SUGCT: variants seen among roughly 807,000 people sequenced by gnomAD.
SUGCT encodes succinyl-CoA:glutarate CoA-transferase.
A neutral mutation model predicts 55.0 loss-of-function variants in SUGCT; 41 were observed. The ratio of observed to expected loss-of-function variants is 0.74; its 90% CI spans 0.58 to 0.97. SUGCT has a LOEUF of 0.97. Ranked by LOEUF, SUGCT falls within the 50% of genes least tolerant of loss-of-function variation. SUGCT has a pLI of 0.00. For missense variants in SUGCT, 568 were observed against 547.8 expected (o/e 1.04, Z -0.37); for synonymous variants, 187 against 200.4 (o/e 0.93, Z 0.56).
chr7:40,258,255 AC>A (rs1205900750), intron 7 of SUGCT, among the ~76,000 whole-genome samples: 4 of 152,048 alleles, frequency 2.6e-5, no homozygotes, highest in Non-Finnish European at 5.9e-5. Flanking sequence ...CCTATTTAAC[AC>A]CTTTATTGAA....
chr7:40,325,112 T>C (rs1295647122), intron 9 of SUGCT, among the ~76,000 whole-genome samples: 2 of 152,198 alleles, frequency 1.3e-5, no homozygotes, highest in Admixed American at 1.3e-4. Context: ...AATTCCAAGT[T>C]TGAAGATATG....
At chr7:40,294,939 T>C (rs1794024518) in intron 8 of SUGCT, among the ~76,000 whole-genome samples, 1 of 152,240 alleles carries the variant, frequency 6.6e-6, no homozygotes, top group Non-Finnish European at 1.5e-5. Flanking sequence ...GCAAAAAGCT[T>C]AGATTCTGAA....
At chr7:40,897,764 G>T in the SUGCT span, among the ~76,000 whole-genome samples, 1 of 152,162 alleles carries the variant, frequency 6.6e-6, no homozygotes. Context: ...TTTGTGTCTA[G>T]CTAAAGGATT....
chr7:40,999,436 A>G, the SUGCT span, among the ~76,000 whole-genome samples: 1 of 152,210 alleles, frequency 6.6e-6, no homozygotes, highest in South Asian at 2.1e-4. Context: ...CACCTTGAGA[A>G]AGAGGCCAAC....
At chr7:40,484,055 C>T (rs908149122) in intron 11 of SUGCT, among the ~76,000 whole-genome samples, 4 of 152,076 alleles carry the variant, frequency 2.6e-5, no homozygotes, top group African/African-American at 9.7e-5. Context: ...CTATAATTTC[C>T]TTAGAACAAA....
At chr7:40,274,299 A>C (rs199916340) in intron 7 of SUGCT, among the ~76,000 whole-genome samples, 1 of 152,002 alleles carries the variant, frequency 6.6e-6, no homozygotes, top group East Asian at 1.9e-4. Context: ...TTGGGGAGAG[A>C]AATGCACTGA....
At chr7:40,320,965 A>G (rs1405793518) in intron 9 of SUGCT, among the ~76,000 whole-genome samples, 1 of 151,824 alleles carries the variant, frequency 6.6e-6, no homozygotes. Flanking sequence ...TTGAGTCTCC[A>G]GTGTCTATTA....
At chr7:40,989,862 TATTTCCA>T in the SUGCT span, among the ~76,000 whole-genome samples, 1 of 152,202 alleles carries the variant, frequency 6.6e-6, no homozygotes, top group Non-Finnish European at 1.5e-5. Flanking sequence ...CTTCAGGCTA[TATTTCCA>T]ATTCTAGTTA....
the SUGCT span, among the ~76,000 whole-genome samples, chr7:40,890,459 T>C: frequency 6.6e-6 from 1 of 151,716 alleles, no homozygotes; most frequent in African/African-American, 2.4e-5. Context: ...TGCTCTTGGC[T>C]CACCCCCATG....
intron 9 of SUGCT, among the ~76,000 whole-genome samples, chr7:40,367,480 C>T (rs1362281250): frequency 6.6e-6 from 1 of 151,726 alleles, no homozygotes; most frequent in Non-Finnish European, 1.5e-5. Context: ...ATGGCTGGCA[C>T]TGCGATATTC....
chr7:40,657,192 A>G (rs1170199363), intron 12 of SUGCT, among the ~76,000 whole-genome samples: 2 of 152,162 alleles, frequency 1.3e-5, no homozygotes, highest in African/African-American at 2.4e-5. Context: ...CCATGAAAAC[A>G]GTTATATGTA....
At chr7:41,017,917 C>G in the SUGCT span, among the ~76,000 whole-genome samples, 1 of 151,792 alleles carries the variant, frequency 6.6e-6, no homozygotes, top group East Asian at 2.0e-4. Flanking sequence ...CCCAGAATTG[C>G]ATTAATTTGA....
chr7:41,003,819 G>A, the SUGCT span, among the ~76,000 whole-genome samples: 1 of 152,308 alleles, frequency 6.6e-6, no homozygotes, highest in African/African-American at 2.4e-5. Context: ...CTCTCTGAAT[G>A]ACAAAGGTCA....
chr7:40,942,019 T>G, the SUGCT span, among the ~76,000 whole-genome samples: 1 of 152,126 alleles, frequency 6.6e-6, no homozygotes, highest in Non-Finnish European at 1.5e-5. Context: ...TTATCCATTC[T>G]GCCAATCTGT....
chr7:40,848,067 A>G (rs760756241), intron 13 of SUGCT, among the ~76,000 whole-genome samples: 8 of 152,212 alleles, frequency 5.3e-5, no homozygotes, highest in Non-Finnish European at 8.8e-5. Context: ...CCTGCAATGT[A>G]AGTCTAGCTC....
intron 13 of SUGCT, among the ~76,000 whole-genome samples, chr7:40,785,781 T>C (rs1789979907): frequency 6.6e-6 from 1 of 152,094 alleles, no homozygotes; most frequent in Non-Finnish European, 1.5e-5. Context: ...TGTTTGTAAT[T>C]TGGTTTAAAG....
chr7:40,856,760 CTCCA>C (rs1794190932), intron 13 of SUGCT, among the ~76,000 whole-genome samples: 1 of 152,138 alleles, frequency 6.6e-6, no homozygotes, highest in Non-Finnish European at 1.5e-5. Context: ...AGTGGGATTT[CTCCA>C]TCCAAGTATG....
chr7:40,471,160 C>G (rs1430591042), intron 11 of SUGCT, among the ~76,000 whole-genome samples: 1 of 151,820 alleles, frequency 6.6e-6, no homozygotes, highest in East Asian at 1.9e-4. Flanking sequence ...TTCTAAAACA[C>G]AGAAATTTGG....
At chr7:40,242,236 C>T (rs1209180759) in intron 7 of SUGCT, among the ~76,000 whole-genome samples, 1 of 151,086 alleles carries the variant, frequency 6.6e-6, no homozygotes, top group Non-Finnish European at 1.5e-5. Context: ...TGCAGTGGCA[C>T]AATCTCGGCT....
Sources: allele counts gnomAD v4.1 joint callset (sites outside exome capture counted in the v4.1 genomes callset), GRCh38; gene constraint gnomAD v4.1.1; transcripts MANE v1.5; gene names NCBI Gene and HGNC (gene_info 2026-07-23, HGNC 2026-07-21).